Variants in FAF1 observed in about 807,000 individuals in gnomAD.
The protein encoded by FAF1 is Fas associated factor 1.
FAF1 carries 25 observed loss-of-function variants against 92.5 expected under a neutral mutation model. That is an observed-to-expected ratio of 0.27 (90% confidence interval 0.20 to 0.38). The LOEUF is 0.38. FAF1 is among the 10% of genes least tolerant of loss of function. The pLI is 1.00. For synonymous variants in FAF1, 234 were observed against 273.2 expected (o/e 0.86, Z 1.42); for missense variants, 636 against 793.3 (o/e 0.80, Z 2.38).
Position 50,590,991 on chromosome 1 carries a change from A to AAAAG in FAF1, c.840+5126_840+5129dup, listed in dbSNP as rs559152441. On this transcript the variant is annotated intron_variant, in intron 9 of 18. Transcript: ENST00000396153. ...AGCGAGACTCTGTCTCCAAAAAAAAAAAAGAAAGAAAGAAAGGGGTCATTC... is the reference window on the plus strand; with the variant it reads ...AGCGAGACTCTGTCTCCAAAAAAAAAAAAGAAAGAAAGAAAGAAAGGGGTCATTC... 1.9e-4 allele frequency among the ~76,000 whole-genome samples: 29 copies of AAAAG among 152,144 alleles called. 1 individual carries two copies. The South Asian group carries it at 5.2e-3, about 27-fold the overall frequency.
Position 50,731,357 on chromosome 1 carries a change from T to C in FAF1, c.551+7506A>G, listed in dbSNP as rs574317884. On this transcript the variant is annotated intron_variant, in intron 6 of 18. Transcript: ENST00000396153. ...GGGGCTCTCAAAACACTTGTCTTTCTGTTTTATCTTTTCTCTTTTTTTTTT... is the reference window on the plus strand; with the variant it reads ...GGGGCTCTCAAAACACTTGTCTTTCCGTTTTATCTTTTCTCTTTTTTTTTT... 3.3e-5 allele frequency among the ~76,000 whole-genome samples: 5 copies of C among 151,766 alleles called. No individual in the cohort carries two copies. In the East Asian group the frequency reaches 9.7e-4, roughly 30 times the overall value.
At chr1:50,573,024 A>G (rs1335247740) in intron 12 of FAF1, among the ~76,000 whole-genome samples, 1 of 152,094 alleles carries the variant, frequency 6.6e-6, no homozygotes, top group Non-Finnish European at 1.5e-5. Flanking sequence ...AAAGTAGGAC[A>G]TCAATGCTAT....
intron 4 of FAF1, among the ~76,000 whole-genome samples, chr1:50,753,986 G>A (rs773404338): frequency 6.6e-6 from 1 of 151,946 alleles, no homozygotes; most frequent in Non-Finnish European, 1.5e-5. Flanking sequence ...TCGATCTCCT[G>A]ATCTCGTGAT....
intron 17 of FAF1, among the ~76,000 whole-genome samples, chr1:50,484,923 G>C (rs1274549351): frequency 6.9e-6 from 1 of 144,814 alleles, no homozygotes; most frequent in African/African-American, 2.6e-5. Flanking sequence ...CTTGGACACA[G>C]GAAGGGGAAC....
At chr1:50,904,843 CTT>C (rs1644822918) in intron 1 of FAF1, among the ~76,000 whole-genome samples, 1 of 151,992 alleles carries the variant, frequency 6.6e-6, no homozygotes, top group African/African-American at 2.4e-5. Flanking sequence ...TTATCAATAT[CTT>C]TTAAGCCATC....
At chr1:50,546,527 G>A (rs748216814) in intron 13 of FAF1, among the ~76,000 whole-genome samples, 25 of 151,956 alleles carry the variant, frequency 1.6e-4, no homozygotes, top group Non-Finnish European at 3.2e-4. Context: ...CACCACACCT[G>A]GCTAATTTTT....
intron 3 of FAF1, among the ~76,000 whole-genome samples, chr1:50,796,554 G>A (rs1557531855): frequency 6.6e-6 from 1 of 152,114 alleles, no homozygotes; most frequent in Non-Finnish European, 1.5e-5. Flanking sequence ...TTGGTGGTCA[G>A]CAGGGGGCTT....
intron 17 of FAF1, among the ~76,000 whole-genome samples, chr1:50,480,056 T>G (rs886661197): frequency 6.6e-6 from 1 of 152,236 alleles, no homozygotes; most frequent in Non-Finnish European, 1.5e-5. Context: ...TCAGTTTGAT[T>G]TGCTCAACAA....
At chr1:50,786,799 A>T (rs72902760) in intron 4 of FAF1, among the ~76,000 whole-genome samples, 1 of 152,180 alleles carries the variant, frequency 6.6e-6, no homozygotes, top group Non-Finnish European at 1.5e-5. Flanking sequence ...AAATGCAGGT[A>T]GGGGCTTGAT....
intron 18 of FAF1, among the ~76,000 whole-genome samples, chr1:50,457,552 G>C (rs1646368916): frequency 6.6e-6 from 1 of 151,924 alleles, no homozygotes; most frequent in African/African-American, 2.4e-5. Context: ...TTTATGGCTG[G>C]ATAAAATCAG....
chr1:50,601,734 A>ACG (rs72249276), intron 8 of FAF1, among the ~76,000 whole-genome samples: 10 of 96,996 alleles, frequency 1.0e-4, no homozygotes, highest in African/African-American at 5.4e-4. Flanking sequence ...ATATTCATAT[A>ACG]CACACATATA....
intron 1 of FAF1, among the ~76,000 whole-genome samples, chr1:50,907,050 T>C (rs1237437098): frequency 1.3e-5 from 2 of 152,190 alleles, no homozygotes; most frequent in Admixed American, 1.3e-4. Context: ...TTGAGATACG[T>C]CCCATCAACA....
At chr1:50,911,567 C>T (rs988553996) in intron 1 of FAF1, among the ~76,000 whole-genome samples, 2 of 151,604 alleles carry the variant, frequency 1.3e-5, no homozygotes, top group African/African-American at 4.8e-5. Context: ...CCTGGTGGCA[C>T]CTGCCTGTAG....
rs1319427592 is a variant in FAF1, at chr1:50,849,619, T to G, written c.114+8310A>C. ...TCTATACAGACTATATAGACTATAG[T>G]GTACTATACAGAATGACTGACTATA... On this transcript the variant is annotated intron_variant, in intron 2 of 18. Transcript: ENST00000396153. 3.3e-5 allele frequency among the ~76,000 whole-genome samples: 5 copies of G among 152,272 alleles called. No homozygotes were observed. In the East Asian group the frequency reaches 9.6e-4, roughly 29 times the overall value.
At chr1:50,786,088 C>T (rs559329534) in intron 4 of FAF1, among the ~76,000 whole-genome samples, 9 of 151,462 alleles carry the variant, frequency 5.9e-5, no homozygotes, top group Non-Finnish European at 1.2e-4. Context: ...GCCGCGATCA[C>T]GCCACTGCAC....
chr1:50,803,096 A>G (rs770057422), intron 2 of FAF1, among the ~76,000 whole-genome samples: 1 of 152,220 alleles, frequency 6.6e-6, no homozygotes, highest in African/African-American at 2.4e-5. Context: ...AGTAAAGCAA[A>G]TGCTAAAATC....
rs1350095919 is a variant in FAF1, at chr1:50,590,437, CA to C, written c.841-5627del. 2.6e-5 allele frequency among the ~76,000 whole-genome samples: 4 copies of C among 152,058 alleles called. No homozygotes were observed. In the East Asian group the frequency reaches 7.7e-4, roughly 29 times the overall value. On this transcript the variant is annotated intron_variant, in intron 9 of 18. Coordinates refer to ENST00000396153, the MANE Select transcript of FAF1 (RefSeq NM_007051.3). Reference sequence around the variant, plus strand: ...GGAATTGTTTTTCTAATTTTCTGTTCAGCTTGTTGACTGTTGGTTTATAGAA... The same window carrying C: ...GGAATTGTTTTTCTAATTTTCTGTTCGCTTGTTGACTGTTGGTTTATAGAA...
At chr1:50,464,544 T>C (rs547038035) in intron 18 of FAF1, among the ~76,000 whole-genome samples, 1 of 152,350 alleles carries the variant, frequency 6.6e-6, no homozygotes, top group South Asian at 2.1e-4. Context: ...GAGTCTGTTA[T>C]AATGCAACTG....
At chr1:50,493,095 C>T (rs953611881) in intron 15 of FAF1, among the ~76,000 whole-genome samples, 4 of 147,870 alleles carry the variant, frequency 2.7e-5, no homozygotes, top group Non-Finnish European at 5.9e-5. Context: ...GGCAGTGGTA[C>T]GATCTCCACT....
Sources: allele counts gnomAD v4.1 joint callset (sites outside exome capture counted in the v4.1 genomes callset), GRCh38; gene constraint gnomAD v4.1.1; transcripts MANE v1.5; gene names NCBI Gene and HGNC (gene_info 2026-07-23, HGNC 2026-07-21).